The following ADAMTS3 variants were observed in gnomAD, a reference collection of about 807,000 sequenced individuals.
The protein encoded by ADAMTS3 is ADAM metallopeptidase with thrombospondin type 1 motif 3.
Under a neutral mutation model 129.0 loss-of-function variants are expected in ADAMTS3, and 73 were observed. The observed-to-expected ratio is 0.57, with a 90% CI of 0.47 to 0.69. The LOEUF is 0.69. Among genes scored for constraint, ADAMTS3 ranks in the 30% least tolerant of loss-of-function variants. The probability of loss-of-function intolerance (pLI) is 0.00; values close to 1 mark genes in which losing one functional copy is unlikely to be tolerated. For missense variants in ADAMTS3, 1,457 were observed against 1,514.5 expected (o/e 0.96, Z 0.63); for synonymous variants, 477 against 510.8 (o/e 0.93, Z 0.89).
Position 72,548,704 on chromosome 4 carries a change from A to T in ADAMTS3, c.278T>A (p.Leu93Gln). The T allele has an allele frequency of 6.2e-7, 1 of 1,614,030 alleles. No individual in the cohort carries two copies. The highest frequency in any genetic ancestry group is 8.5e-7 in the Non-Finnish European group (1 of 1,179,926). Residue 93 changes from leucine to glutamine, a missense_variant, in exon 3 of 22, where the codon CTG (leucine) becomes CAG (glutamine). Physicochemically the swap from Leu to Gln is moderately radical, Grantham distance 113. Transcript: ENST00000286657. Reference sequence around the variant, plus strand: ...TAGTTGAGTGTTGGGCTTTAGTCGCAGATGAAAATCTTTTCCAAATGCCGT... The same window carrying T: ...TAGTTGAGTGTTGGGCTTTAGTCGCTGATGAAAATCTTTTCCAAATGCCGT... Reference protein sequence around the residue: ...NITAFGKDFHLRLKPNTQLVA... With the variant: ...NITAFGKDFHQRLKPNTQLVA...
chr4:72,532,310 C>G (rs1287779109), intron 3 of ADAMTS3, among the ~76,000 whole-genome samples: 1 of 152,068 alleles, frequency 6.6e-6, no homozygotes, highest in Admixed American at 6.6e-5. Context: ...TCAGAAGCCC[C>G]TTAGGGAAAA....
chr4:72,349,701 C>T (rs538591002), intron 4 of ADAMTS3, among the ~76,000 whole-genome samples: 12 of 151,858 alleles, frequency 7.9e-5, no homozygotes, highest in Admixed American at 2.0e-4. Context: ...GAATTTTATC[C>T]TGATTAAAAA....
intron 11 of ADAMTS3, among the ~76,000 whole-genome samples, chr4:72,314,450 C>T (rs1719335941): frequency 6.6e-6 from 1 of 152,030 alleles, no homozygotes; most frequent in South Asian, 2.1e-4. Context: ...CTACCAGAAC[C>T]CTAATACTAT....
At chr4:72,340,432 G>C (rs184027117) in intron 4 of ADAMTS3, among the ~76,000 whole-genome samples, 3 of 151,758 alleles carry the variant, frequency 2.0e-5, no homozygotes, top group African/African-American at 4.8e-5. Flanking sequence ...TGTATATGCA[G>C]GGATACACAG....
intron 3 of ADAMTS3, among the ~76,000 whole-genome samples, chr4:72,474,809 G>A (rs897699967): frequency 2.0e-5 from 3 of 151,740 alleles, no homozygotes; most frequent in South Asian, 4.2e-4. Context: ...GGTGGATCAC[G>A]AGGTCAGGAG....
intron 3 of ADAMTS3, among the ~76,000 whole-genome samples, chr4:72,508,756 C>T (rs761164583): frequency 6.9e-6 from 1 of 144,598 alleles, no homozygotes; most frequent in African/African-American, 2.6e-5. Context: ...TAAATATGAG[C>T]CAAGACTTGA....
intron 3 of ADAMTS3, among the ~76,000 whole-genome samples, chr4:72,422,722 T>G (rs1170482147): frequency 6.6e-6 from 1 of 152,116 alleles, no homozygotes; most frequent in African/African-American, 2.4e-5. Flanking sequence ...GGAGGGGTCC[T>G]CACAGCCATA....
chr4:72,452,596 C>T lies in ADAMTS3; in HGVS notation c.505-37625G>A, dbSNP rs572299489. Among the ~76,000 whole-genome samples the T allele has an allele frequency of 3.3e-5, 5 of 151,888 alleles. No homozygotes were observed. In the East Asian group the frequency reaches 9.8e-4, roughly 30 times the overall value. On this transcript the variant is annotated intron_variant, in intron 3 of 21. Transcript: ENST00000286657. ...AACTGCTTCAACAACCAGTCTCCAT[C>T]TTTCAACTTAAGTTTCTTAGTAAAT...
intron 3 of ADAMTS3, among the ~76,000 whole-genome samples, chr4:72,445,326 G>A: frequency 6.6e-6 from 1 of 151,712 alleles, no homozygotes. Context: ...AGAGGATACA[G>A]AGAAAGGCAA....
intron 3 of ADAMTS3, among the ~76,000 whole-genome samples, chr4:72,422,377 G>A (rs1481899779): frequency 3.9e-5 from 6 of 151,950 alleles, no homozygotes; most frequent in Middle Eastern, 3.2e-3. Context: ...TCTAATCTCT[G>A]CAATGATACA....
Position 72,306,041 on chromosome 4 carries a change from G to C in ADAMTS3, c.2206C>G (p.Pro736Ala), listed in dbSNP as rs199518563. Reference sequence around the variant, plus strand: ...TGGATTAACACATGTCTAGCCCCAGGGGGTATATCAAACATCTTAAGGTAC... The same window carrying C: ...TGGATTAACACATGTCTAGCCCCAGCGGGTATATCAAACATCTTAAGGTAC... ...LGYLKMFDIP[P>A]GARHVLIQED... The change falls in exon 16 of 22, where the codon CCT becomes GCT. Residue 736 changes from proline (P) to alanine (A), a missense_variant. Pro to Ala is a conservative substitution (Grantham distance 27). Coordinates refer to ENST00000286657, the MANE Select transcript of ADAMTS3 (RefSeq NM_014243.3). The C allele has an allele frequency of 1.2e-5, 20 of 1,608,282 alleles. No homozygotes were observed. The highest frequency in any genetic ancestry group is 1.7e-5 in the Admixed American group (1 of 58,760).
At chr4:72,438,946 C>CA in intron 3 of ADAMTS3, among the ~76,000 whole-genome samples, 1 of 151,836 alleles carries the variant, frequency 6.6e-6, no homozygotes, top group East Asian at 2.0e-4. Context: ...TGACCTAACT[C>CA]ACATATATCC....
chr4:72,558,637 A>G (rs1721825901), intron 2 of ADAMTS3, among the ~76,000 whole-genome samples: 1 of 151,668 alleles, frequency 6.6e-6, no homozygotes, highest in Admixed American at 6.6e-5. Context: ...TCTGCCTGCC[A>G]CAGCCACTAT....
intron 2 of ADAMTS3, among the ~76,000 whole-genome samples, chr4:72,565,236 A>G (rs1311006408): frequency 6.6e-6 from 1 of 152,216 alleles, no homozygotes; most frequent in Non-Finnish European, 1.5e-5. Context: ...CATGAAATTT[A>G]TTTTCTAGCC....
intron 4 of ADAMTS3, among the ~76,000 whole-genome samples, chr4:72,375,662 A>T (rs1203688919): frequency 6.6e-6 from 1 of 152,156 alleles, no homozygotes; most frequent in Admixed American, 6.5e-5. Flanking sequence ...AGCAGGATAA[A>T]GATCTGTGTA....
chr4:72,339,604 C>T lies in ADAMTS3; in HGVS notation c.751G>A (p.Ala251Thr), dbSNP rs1185511556. ...LNETMRRRRH[A>T]GENDYNIEVL... ...TCGATATTGTAATCGTTTTCTCCCGCGTGTCTGCGGCGTCTCATTGTTTCA... is the reference window on the plus strand; with the variant it reads ...TCGATATTGTAATCGTTTTCTCCCGTGTGTCTGCGGCGTCTCATTGTTTCA... The change falls in exon 5 of 22, where the codon GCG becomes ACG. Residue 251 changes from alanine (A) to threonine (T), a missense_variant. Coordinates refer to ENST00000286657, the MANE Select transcript of ADAMTS3 (RefSeq NM_014243.3). 2 of 1,613,908 alleles carry T rather than the reference C, an allele frequency of 1.2e-6. No individual in the cohort carries two copies. The highest frequency in any genetic ancestry group is 2.2e-5 in the East Asian group (1 of 44,862).
chr4:72,415,336 A>T (rs1722278181), intron 3 of ADAMTS3, among the ~76,000 whole-genome samples: 1 of 152,108 alleles, frequency 6.6e-6, no homozygotes, highest in African/African-American at 2.4e-5. Context: ...TAAATTCAAA[A>T]AATCTCTAAT....
intron 19 of ADAMTS3, among the ~76,000 whole-genome samples, 183 bp downstream of exon 19, chr4:72,295,470 AG>A (rs1412637381): frequency 6.6e-6 from 1 of 152,102 alleles, no homozygotes; most frequent in East Asian, 1.9e-4. Flanking sequence ...GTTGTTTTTG[AG>A]GAACAAGAAT....
At chr4:72,361,061 C>G (rs963385596) in intron 4 of ADAMTS3, among the ~76,000 whole-genome samples, 2 of 151,978 alleles carry the variant, frequency 1.3e-5, no homozygotes, top group South Asian at 2.1e-4. Context: ...CCAGAGCAAC[C>G]CTCTTTTAAG....
Sources: gnomAD v4.1 joint callset for allele counts (sites outside exome capture counted in the v4.1 genomes callset) on GRCh38, gnomAD v4.1.1 for gene constraint, MANE v1.5 for transcripts, NCBI Gene and HGNC (gene_info 2026-07-23, HGNC 2026-07-21) for gene names.